The following DPP6 variants were observed in gnomAD, a reference collection of about 807,000 sequenced individuals.
The protein encoded by DPP6 is dipeptidyl peptidase like 6.
Under a neutral mutation model 122.6 loss-of-function variants are expected in DPP6, and 69 were observed. That is an observed-to-expected ratio of 0.56 (90% CI 0.46 to 0.69). The LOEUF (loss-of-function observed/expected upper bound fraction) is 0.69, where lower values mean the gene tolerates loss of function less well. Ranked by LOEUF, DPP6 falls within the 30% of genes least tolerant of loss-of-function variation. The probability of loss-of-function intolerance (pLI) is 0.00; values close to 1 mark genes in which losing one functional copy is unlikely to be tolerated. For missense variants in DPP6, 928 were observed against 1,116.9 expected (o/e 0.83, Z 2.41); for synonymous variants, 418 against 433.1 (o/e 0.97, Z 0.43).
chr7:154,192,240 C>G (rs1233045108), intron 1 of DPP6, among the ~76,000 whole-genome samples: 71 of 152,280 alleles, frequency 4.7e-4, no homozygotes, highest in Non-Finnish European at 1.5e-4. Flanking sequence ...CCATTTTTTC[C>G]CAATTGTACA....
chr7:154,432,780 G>A (rs968794843), intron 1 of DPP6, among the ~76,000 whole-genome samples: 3 of 152,144 alleles, frequency 2.0e-5, no homozygotes, highest in African/African-American at 7.2e-5. Context: ...GGCATCACAG[G>A]TCATGAGTTC....
At chr7:154,312,809 G>A (rs1807025955) in intron 1 of DPP6, among the ~76,000 whole-genome samples, 1 of 152,138 alleles carries the variant, frequency 6.6e-6, no homozygotes, top group Non-Finnish European at 1.5e-5. Context: ...CTTTGAGTAG[G>A]CTACCCACAG....
chr7:154,059,657 C>G (rs1801387268), intron 1 of DPP6: 1 of 149,746 alleles, frequency 6.7e-6, no homozygotes, highest in Non-Finnish European at 1.5e-5. Context: ...GGGATCCCAA[C>G]AACAGCAAGT....
chr7:154,158,166 G>C (rs1375223193), intron 1 of DPP6, among the ~76,000 whole-genome samples: 1 of 149,534 alleles, frequency 6.7e-6, no homozygotes, highest in Non-Finnish European at 1.5e-5. Flanking sequence ...CTGAACAAGA[G>C]GTACAATATT....
chr7:154,637,893 T>C lies in DPP6; in HGVS notation c.680+20T>C. The C allele has an allele frequency of 1.3e-6, 2 of 1,559,448 alleles. No homozygotes were observed. The highest frequency in any genetic ancestry group is 4.7e-5 in the East Asian group (2 of 42,664). ...TCATGGGTAAGAGTGTTCTTTTCTT[T>C]CTTTTAATTAGAAATATGCAGGGCA... On this transcript the variant is annotated intron_variant, in intron 6 of 25. Transcript: ENST00000377770.
intron 8 of DPP6, among the ~76,000 whole-genome samples, chr7:154,744,654 C>T (rs1842959537): frequency 6.6e-6 from 1 of 152,184 alleles, no homozygotes; most frequent in Non-Finnish European, 1.5e-5. Flanking sequence ...ATTCTGCTCT[C>T]GGCACCTTGG....
chr7:154,479,201 A>T (rs1311860554), intron 3 of DPP6, among the ~76,000 whole-genome samples: 2 of 152,160 alleles, frequency 1.3e-5, no homozygotes, highest in Non-Finnish European at 2.9e-5. Flanking sequence ...GACCTTGTAG[A>T]CTTCCTTACT....
At chr7:153,774,774 G>A in the DPP6 span, among the ~76,000 whole-genome samples, 2 of 152,048 alleles carry the variant, frequency 1.3e-5, no homozygotes, top group Non-Finnish European at 2.9e-5. Flanking sequence ...AAACCAGCCT[G>A]GGCAACAGAG....
At position 154,311,720 on chromosome 7, in the gene DPP6, G is replaced by T. The variant is rs183362805; in HGVS notation, c.244-134494G>T. ...CTCTGTCCTACTCCCATCCCCATTT[G>T]TTGTTGACCTTTCAGGACTCTTTAC... On this transcript the variant is annotated intron_variant, in intron 1 of 25. Transcript: ENST00000377770. Among the ~76,000 whole-genome samples, 330 of 152,232 alleles carry T rather than the reference G, an allele frequency of 2.2e-3. 1 individual carries two copies. Among genetic ancestry groups the T allele is most frequent in the African/African-American group, 6.5e-3 (271 of 41,546 alleles).
intron 8 of DPP6, among the ~76,000 whole-genome samples, chr7:154,733,877 G>A (rs1348498115): frequency 6.6e-6 from 1 of 152,160 alleles, no homozygotes; most frequent in African/African-American, 2.4e-5. Flanking sequence ...AACACTTCAC[G>A]TGAAACTTGC....
At chr7:153,787,275 G>A in the DPP6 span, among the ~76,000 whole-genome samples, 21 of 146,672 alleles carry the variant, frequency 1.4e-4, no homozygotes, top group South Asian at 8.9e-4. Context: ...TTTAAGAAAT[G>A]TGTCTTGAAA....
chr7:154,701,568 G>A (rs1381871796), intron 7 of DPP6, among the ~76,000 whole-genome samples: 1 of 152,180 alleles, frequency 6.6e-6, no homozygotes, highest in Non-Finnish European at 1.5e-5. Flanking sequence ...CTGTGAATTA[G>A]CGTGGTGTGC....
At chr7:153,943,389 C>A (rs10487687) in intron 1 of DPP6, among the ~76,000 whole-genome samples, 4 of 151,940 alleles carry the variant, frequency 2.6e-5, no homozygotes, top group African/African-American at 7.3e-5. Flanking sequence ...CAGATCAATT[C>A]GGTACTTGAG....
the DPP6 span, among the ~76,000 whole-genome samples, chr7:153,819,774 T>C: frequency 6.6e-6 from 1 of 152,240 alleles, no homozygotes; most frequent in Admixed American, 6.5e-5. Flanking sequence ...TGGTAAATTA[T>C]ATATGCATAT....
the DPP6 span, among the ~76,000 whole-genome samples, chr7:153,880,372 C>T: frequency 6.6e-6 from 1 of 152,326 alleles, no homozygotes; most frequent in African/African-American, 2.4e-5. Context: ...CACTTAACTG[C>T]TTATATTTTC....
the DPP6 span, among the ~76,000 whole-genome samples, chr7:153,826,450 TG>T: frequency 6.6e-6 from 1 of 152,340 alleles, no homozygotes; most frequent in African/African-American, 2.4e-5. Flanking sequence ...CATTGAAGAA[TG>T]GTCTCTCTGT....
At chr7:154,574,664 ATG>A (rs1831386316) in intron 5 of DPP6, among the ~76,000 whole-genome samples, 1 of 84,480 alleles carries the variant, frequency 1.2e-5, no homozygotes, top group African/African-American at 4.8e-5. Flanking sequence ...GTGTTTGTGT[ATG>A]TGTGTGGTGT....
intron 1 of DPP6, among the ~76,000 whole-genome samples, chr7:153,907,270 T>A (rs1799889978): frequency 6.6e-6 from 1 of 152,216 alleles, no homozygotes; most frequent in Admixed American, 6.5e-5. Flanking sequence ...ATGAGCATTT[T>A]TTCCTGTGTT....
chr7:154,415,997 C>G (rs1816981395), intron 1 of DPP6, among the ~76,000 whole-genome samples: 1 of 152,006 alleles, frequency 6.6e-6, no homozygotes, highest in Non-Finnish European at 1.5e-5. Context: ...CACTTATCCT[C>G]AGTTTCACTT....
Sources: gnomAD v4.1 joint callset for allele counts (sites outside exome capture counted in the v4.1 genomes callset) on GRCh38, gnomAD v4.1.1 for gene constraint, MANE v1.5 for transcripts, NCBI Gene and HGNC (gene_info 2026-07-23, HGNC 2026-07-21) for gene names.